The following LGR5 variants were observed in gnomAD, a reference collection of about 807,000 sequenced individuals.
The protein encoded by LGR5 is leucine-rich repeat-containing G protein-coupled receptor 5.
Under a neutral mutation model 76.7 loss-of-function variants are expected in LGR5, and 54 were observed. That is an observed-to-expected ratio of 0.70 (90% CI 0.57 to 0.88). The LOEUF is 0.88. LGR5 is among the 40% of genes least tolerant of loss of function. LGR5 has a pLI of 0.00. For synonymous variants in LGR5, 406 were observed against 421.9 expected (o/e 0.96, Z 0.46); for missense variants, 1,078 against 1,073.3 (o/e 1.00, Z -0.06).
At chr12:71,456,403 T>C (rs1481175679) in intron 1 of LGR5, among the ~76,000 whole-genome samples, 1 of 152,168 alleles carries the variant, frequency 6.6e-6, no homozygotes, top group East Asian at 1.9e-4. Context: ...AGGGTTGTGT[T>C]CTTTGATTCC....
chr12:71,439,878 G>T lies in LGR5; in HGVS notation c.-203G>T. Reference sequence around the variant, plus strand: ...TGCAGCCAGGGCTGCTCCGAAGGCCGGCGTGGCGGCAACCGGCACCTCTGT... The same window carrying T: ...TGCAGCCAGGGCTGCTCCGAAGGCCTGCGTGGCGGCAACCGGCACCTCTGT... On this transcript the variant is annotated 5_prime_UTR_variant, in exon 1 of 18. Coordinates refer to ENST00000266674, the MANE Select transcript of LGR5 (RefSeq NM_003667.4). The T allele has an allele frequency of 1.9e-6, 1 of 538,348 alleles. No individual in the cohort carries two copies. Among genetic ancestry groups the T allele is most frequent in the Non-Finnish European group, 3.2e-6 (1 of 309,998 alleles). The allele number at this position is 538,348 out of a possible 1,614,324, so 33.3% of individuals were successfully genotyped here.
At chr12:71,552,751 A>T (rs1371913668) in intron 4 of LGR5, among the ~76,000 whole-genome samples, 1 of 152,186 alleles carries the variant, frequency 6.6e-6, no homozygotes, top group African/African-American at 2.4e-5. Context: ...TAGTGTCAGA[A>T]AGAAACTAAA....
At chr12:71,566,592 G>T (rs752507557) in intron 9 of LGR5, 40 bp from the exon 10 acceptor site, 1 of 1,567,984 alleles carries the variant, frequency 6.4e-7, no homozygotes, top group East Asian at 2.2e-5. Context: ...CCCCTGTCTA[G>T]AATCTTCTAC....
intron 1 of LGR5, among the ~76,000 whole-genome samples, chr12:71,461,507 C>T (rs1045444897): frequency 2.6e-5 from 4 of 152,074 alleles, no homozygotes; most frequent in Admixed American, 2.6e-4. Flanking sequence ...TATCATGCTC[C>T]CCACTAGCAT....
intron 1 of LGR5, among the ~76,000 whole-genome samples, chr12:71,453,734 A>T (rs375373955): frequency 3.9e-5 from 6 of 151,990 alleles, no homozygotes; most frequent in African/African-American, 1.4e-4. Context: ...AACTGAAAAA[A>T]TAGTTCTACT....
chr12:71,459,821 A>G (rs1872620366), intron 1 of LGR5, among the ~76,000 whole-genome samples: 1 of 151,918 alleles, frequency 6.6e-6, no homozygotes, highest in South Asian at 2.1e-4. Flanking sequence ...ACTCCTATAA[A>G]TTATAATAAT....
intron 13 of LGR5, among the ~76,000 whole-genome samples, chr12:71,573,773 T>G (rs2137460182): frequency 6.6e-6 from 1 of 152,132 alleles, no homozygotes; most frequent in East Asian, 1.9e-4. Context: ...CTTTTAAGAG[T>G]CACTTTCTCC....
intron 1 of LGR5, among the ~76,000 whole-genome samples, chr12:71,497,314 G>GAAAAAAAAAAAAAAAAAA (rs1874374503): frequency 6.7e-6 from 1 of 149,630 alleles, no homozygotes; most frequent in Non-Finnish European, 1.5e-5. Flanking sequence ...AACCTTAGTT[G>GAAAAAAAAAAAAAAAAAA]AAAGAAGAAA....
intron 2 of LGR5, among the ~76,000 whole-genome samples, chr12:71,509,538 A>G (rs2137313268): frequency 6.6e-6 from 1 of 152,220 alleles, no homozygotes; most frequent in South Asian, 2.1e-4. Context: ...AGTTCTAGGA[A>G]CTTCCGTTAA....
At chr12:71,513,161 G>A (rs977514928) in intron 2 of LGR5, among the ~76,000 whole-genome samples, 6 of 151,744 alleles carry the variant, frequency 4.0e-5, no homozygotes, top group African/African-American at 1.2e-4. Flanking sequence ...CCACTAAGCA[G>A]AGCAGAAAAA....
chr12:71,444,920 A>C (rs1871915949), intron 1 of LGR5, among the ~76,000 whole-genome samples: 1 of 152,214 alleles, frequency 6.6e-6, no homozygotes, highest in Non-Finnish European at 1.5e-5. Flanking sequence ...ACTGATACTT[A>C]ATTTTGACTT....
intron 1 of LGR5, among the ~76,000 whole-genome samples, chr12:71,473,088 G>A (rs1010449436): frequency 7.2e-5 from 11 of 152,076 alleles, no homozygotes; most frequent in East Asian, 3.8e-4. Flanking sequence ...GAACATAATC[G>A]ATTTTAGTAT....
chr12:71,569,248 G>A (rs1795466), intron 11 of LGR5, among the ~76,000 whole-genome samples: 134,136 of 152,244 alleles, frequency 0.88, 61,077 homozygotes, highest in East Asian at 1. Context: ...CATAGGCATG[G>A]GCCAAGATTT....
At chr12:71,535,639 G>A (rs186009166) in intron 4 of LGR5, among the ~76,000 whole-genome samples, 1 of 152,190 alleles carries the variant, frequency 6.6e-6, no homozygotes, top group African/African-American at 2.4e-5. Context: ...TTTTAGTACT[G>A]CCTATATAAT....
At chr12:71,533,920 C>G (rs1038488119) in intron 3 of LGR5, among the ~76,000 whole-genome samples, 1 of 152,192 alleles carries the variant, frequency 6.6e-6, no homozygotes, top group Non-Finnish European at 1.5e-5. Flanking sequence ...ACATATGCCT[C>G]AAGAGAATGC....
intron 1 of LGR5, among the ~76,000 whole-genome samples, chr12:71,447,122 T>G (rs1872035664): frequency 6.6e-6 from 1 of 152,236 alleles, no homozygotes; most frequent in African/African-American, 2.4e-5. Context: ...ATGGATGAGA[T>G]GCGATACATT....
intron 4 of LGR5, among the ~76,000 whole-genome samples, chr12:71,547,739 T>C (rs1877257542): frequency 6.6e-6 from 1 of 151,708 alleles, no homozygotes. Context: ...GTTTACCACA[T>C]GGTAATAGGT....
chr12:71,525,905 CAT>C lies in LGR5; in HGVS notation c.356+1431_356+1432del, dbSNP rs1247174710. On this transcript the variant is annotated intron_variant, in intron 3 of 17. Transcript: ENST00000266674. ...ACAAGTCTTATACTAATTTTTCTAT[CAT>C]ATTTTTATATTTTATATTAATAGTT... 3.3e-5 allele frequency among the ~76,000 whole-genome samples: 5 copies of C among 151,194 alleles called. 1 individual carries two copies. The highest frequency in any genetic ancestry group is 9.7e-5 in the African/African-American group (4 of 41,322).
intron 1 of LGR5, among the ~76,000 whole-genome samples, chr12:71,447,026 G>T (rs1872031032): frequency 6.6e-6 from 1 of 152,170 alleles, no homozygotes; most frequent in African/African-American, 2.4e-5. Context: ...TTAAGTAGCT[G>T]CATTCTTTGG....
Sources: allele counts gnomAD v4.1 joint callset (sites outside exome capture counted in the v4.1 genomes callset), GRCh38; gene constraint gnomAD v4.1.1; transcripts MANE v1.5; gene names NCBI Gene and HGNC (gene_info 2026-07-23, HGNC 2026-07-21).